Variants in CFAP300 observed in about 807,000 individuals in gnomAD.
CFAP300 encodes cilia- and flagella-associated protein 300.
A neutral mutation model predicts 33.0 loss-of-function variants in CFAP300; 32 were observed. The ratio of observed to expected loss-of-function variants is 0.97; its 90% CI spans 0.73 to 1.30. The LOEUF (loss-of-function observed/expected upper bound fraction) is 1.30, where lower values mean the gene tolerates loss of function less well. Ranked by LOEUF, CFAP300 falls within the 50% of genes most tolerant of loss-of-function variation. CFAP300 has a pLI of 0.00. For synonymous variants in CFAP300, 102 were observed against 106.8 expected (o/e 0.95, Z 0.28); for missense variants, 356 against 318.1 (o/e 1.12, Z -0.90).
chr11:102,056,258 A>T (rs1388829866), intron 2 of CFAP300, among the ~76,000 whole-genome samples: 1 of 152,194 alleles, frequency 6.6e-6, no homozygotes, highest in African/African-American at 2.4e-5. Flanking sequence ...TGACACTACA[A>T]ACCATACTAT....
chr11:102,055,315 A>G (rs1221782653), intron 2 of CFAP300, among the ~76,000 whole-genome samples: 1 of 150,028 alleles, frequency 6.7e-6, no homozygotes, highest in African/African-American at 2.5e-5. Context: ...CTTTATGCTC[A>G]TATAAATGTA....
At chr11:102,066,717 C>T in intron 4 of CFAP300, 66 bp downstream of exon 4, 2 of 1,418,148 alleles carry the variant, frequency 1.4e-6, no homozygotes, top group Non-Finnish European at 1.9e-6. Flanking sequence ...ATGGCAAAAA[C>T]TTTGCCTGCT....
chr11:102,072,385 G>T (rs1041707060), intron 4 of CFAP300, among the ~76,000 whole-genome samples: 1 of 151,826 alleles, frequency 6.6e-6, no homozygotes, highest in African/African-American at 2.4e-5. Flanking sequence ...ATCCTGAATT[G>T]TTTTTCTGAT....
chr11:102,051,703 TTTTA>T (rs1941974019), intron 2 of CFAP300, among the ~76,000 whole-genome samples: 1 of 151,944 alleles, frequency 6.6e-6, no homozygotes, highest in South Asian at 2.1e-4. Context: ...CCTTACACAT[TTTTA>T]TTTATTTATT....
intron 4 of CFAP300, among the ~76,000 whole-genome samples, chr11:102,067,292 AG>A (rs1269150857): frequency 6.6e-6 from 1 of 152,228 alleles, no homozygotes; most frequent in Non-Finnish European, 1.5e-5. Flanking sequence ...TGGGAAGTCA[AG>A]GCTGCAATGA....
At position 102,084,023 on chromosome 11, in the gene CFAP300, A is replaced by T. The variant is rs1465363134; in HGVS notation, c.*824A>T. On this transcript the variant is annotated 3_prime_UTR_variant, in exon 7 of 7. Coordinates refer to ENST00000434758, the MANE Select transcript of CFAP300 (RefSeq NM_032930.3). Reference sequence around the variant, plus strand: ...GAGCAAGACTCCGTCTCAGAAAAAAAAAAGGTTCTGAAAGTGGTTGTAAAC... The same window carrying T: ...GAGCAAGACTCCGTCTCAGAAAAAATAAAGGTTCTGAAAGTGGTTGTAAAC... 6.6e-6 allele frequency: 1 copy of T among 152,150 alleles called. No individual in the cohort carries two copies. Among genetic ancestry groups the T allele is most frequent in the Non-Finnish European group, 1.5e-5 (1 of 68,040 alleles). The allele number at this position is 152,150 out of a possible 1,614,324, so 9.4% of individuals were successfully genotyped here.
chr11:102,076,139 T>A lies in CFAP300; in HGVS notation c.608+94T>A. 6 of 1,360,148 alleles carry A rather than the reference T, an allele frequency of 4.4e-6. No homozygotes were observed. The South Asian group carries it at 1.1e-4, about 25-fold the overall frequency. 84.3% of individuals were successfully genotyped at this position (1,360,148 alleles called of 1,614,324 possible). On this transcript the variant is annotated intron_variant, in intron 5 of 6. Coordinates refer to ENST00000434758, the MANE Select transcript of CFAP300 (RefSeq NM_032930.3). Reference sequence around the variant, plus strand: ...GAATTACACAACATCATTCAGTGGTTATATTAACAACCAAAGCATATAAAA... The same window carrying A: ...GAATTACACAACATCATTCAGTGGTAATATTAACAACCAAAGCATATAAAA...
rs747689489 is a variant in CFAP300, at chr11:102,047,888, T to G, written c.184T>G (p.Phe62Val). 6.2e-6 allele frequency: 10 copies of G among 1,614,140 alleles called. No individual in the cohort carries two copies. In the South Asian group the frequency reaches 8.8e-5, roughly 14 times the overall value. ...CTTTCAGTCCTATCGGAAGGATGATTTCGTTATGGTTAGTATGGGGGTCGG... is the reference window on the plus strand; with the variant it reads ...CTTTCAGTCCTATCGGAAGGATGATGTCGTTATGGTTAGTATGGGGGTCGG... ...QTFQSYRKDDFVMAFFKDPNV... is the reference protein window; with the variant it reads ...QTFQSYRKDDVVMAFFKDPNV... Residue 62 changes from phenylalanine to valine, a missense_variant, in exon 2 of 7, where the codon TTC (phenylalanine) becomes GTC (valine). Phe to Val is a conservative substitution (Grantham distance 50). Transcript: ENST00000434758.
intron 4 of CFAP300, among the ~76,000 whole-genome samples, chr11:102,067,449 C>G (rs1230274457): frequency 6.6e-6 from 1 of 152,144 alleles, no homozygotes; most frequent in Non-Finnish European, 1.5e-5. Context: ...ATTGGATTAA[C>G]TAAATTCAAA....
chr11:102,047,966 A>T, intron 2 of CFAP300, 70 bp downstream of exon 2: 1 of 1,464,498 alleles, frequency 6.8e-7, no homozygotes, highest in East Asian at 2.3e-5. Flanking sequence ...GTTGGCATAG[A>T]TTCTTGTGAA....
chr11:102,070,956 G>T (rs958091591), intron 4 of CFAP300, among the ~76,000 whole-genome samples: 5 of 152,162 alleles, frequency 3.3e-5, no homozygotes, highest in Non-Finnish European at 7.4e-5. Context: ...CTTGTTTTGT[G>T]ACTCAGCATA....
chr11:102,047,541 C>G lies in CFAP300; in HGVS notation c.71C>G (p.Ser24Cys), dbSNP rs1379031428. 9.8e-6 allele frequency: 15 copies of G among 1,535,898 alleles called. No individual in the cohort carries two copies. Among genetic ancestry groups the G allele is most frequent in the African/African-American group, 1.4e-5 (1 of 73,056 alleles). The change falls in exon 1 of 7, where the codon TCT (serine) becomes TGT (cysteine). Residue 24 changes from serine to cysteine, a missense_variant. Ser to Cys is a moderately radical substitution (Grantham distance 112). Transcript: ENST00000434758. Reference protein sequence around the residue: ...FRFLPQKTFQSLSSKEITSRL... With the variant: ...FRFLPQKTFQCLSSKEITSRL... ...TTCTTGCCTCAGAAAACCTTCCAGTCTCTGAGCTCTAAGGAGATCACCAGC... is the reference window on the plus strand; with the variant it reads ...TTCTTGCCTCAGAAAACCTTCCAGTGTCTGAGCTCTAAGGAGATCACCAGC...
At chr11:102,072,376 T>C (rs1488108388) in intron 4 of CFAP300, among the ~76,000 whole-genome samples, 3 of 152,152 alleles carry the variant, frequency 2.0e-5, no homozygotes, top group Admixed American at 2.0e-4. Context: ...CTCATTCATA[T>C]CCTGAATTGT....
chr11:102,065,028 C>T (rs988821849), intron 3 of CFAP300, among the ~76,000 whole-genome samples: 5 of 151,926 alleles, frequency 3.3e-5, no homozygotes, highest in African/African-American at 1.2e-4. Context: ...TTGATTAGGG[C>T]CTGATTTGAA....
intron 4 of CFAP300, among the ~76,000 whole-genome samples, chr11:102,071,200 A>G (rs1942308597): frequency 6.6e-6 from 1 of 152,162 alleles, no homozygotes; most frequent in African/African-American, 2.4e-5. Flanking sequence ...TTTGCTTTAT[A>G]TATTTATGTC....
chr11:102,056,817 G>C (rs1019238397), intron 2 of CFAP300, among the ~76,000 whole-genome samples: 1 of 151,716 alleles, frequency 6.6e-6, no homozygotes, highest in African/African-American at 2.4e-5. Flanking sequence ...GTACAGACGG[G>C]GTTCGCCATG....
intron 1 of CFAP300, 92 bp from the exon 2 acceptor site, chr11:102,047,723 G>A (rs1941903886): frequency 6.7e-7 from 1 of 1,502,144 alleles, no homozygotes; most frequent in African/African-American, 1.4e-5. Context: ...GAACCACCCG[G>A]GAAGGGCGGA....
chr11:102,075,263 CT>C (rs1374206320), intron 4 of CFAP300, among the ~76,000 whole-genome samples: 2 of 152,134 alleles, frequency 1.3e-5, no homozygotes, highest in Non-Finnish European at 2.9e-5. Flanking sequence ...TACATCGGAT[CT>C]AGTTTTCTGC....
chr11:102,054,085 CAG>C (rs1227492153), intron 2 of CFAP300, among the ~76,000 whole-genome samples: 2 of 152,190 alleles, frequency 1.3e-5, no homozygotes, highest in East Asian at 3.9e-4. Flanking sequence ...ACCATGGAAA[CAG>C]GCAAACGCCA....
Sources: allele counts gnomAD v4.1 joint callset (sites outside exome capture counted in the v4.1 genomes callset), GRCh38; gene constraint gnomAD v4.1.1; transcripts MANE v1.5; gene names NCBI Gene and HGNC (gene_info 2026-07-23, HGNC 2026-07-21).